The following MFGE8 variants were observed in gnomAD, a reference collection of about 807,000 sequenced individuals.
MFGE8 encodes the protein milk fat globule EGF and factor V/VIII domain containing, also known as lactadherin.
Under a neutral mutation model 42.6 loss-of-function variants are expected in MFGE8, and 34 were observed. That is an observed-to-expected ratio of 0.80 (90% confidence interval 0.61 to 1.06). The LOEUF (loss-of-function observed/expected upper bound fraction) is 1.06, where lower values mean the gene tolerates loss of function less well. MFGE8 is among the 50% of genes least tolerant of loss of function. The pLI is 0.00. For synonymous variants in MFGE8, 230 were observed against 214.8 expected, an observed-to-expected ratio of 1.07 and a Z score of -0.62; for missense variants, 510 against 516.9, an observed-to-expected ratio of 0.99 and a Z score of 0.13.
At chr15:88,912,511 C>G in intron 1 of MFGE8, 1 of 985,412 alleles carries the variant, frequency 1.0e-6, no homozygotes, top group Non-Finnish European at 1.2e-6. Context: ...TCCCAGCGCT[C>G]CACGGTGAAT....
Position 88,907,315 on chromosome 15 carries a change from C to A in MFGE8, c.267G>T (p.Ser89=). 6.2e-7 allele frequency: 1 copy of A among 1,613,948 alleles called. No individual in the cohort carries two copies. Among genetic ancestry groups the A allele is most frequent in the Non-Finnish European group, 8.5e-7 (1 of 1,179,952 alleles). The change falls in exon 3 of 8, where the codon TCG becomes TCT. Residue 89 remains serine, a synonymous_variant. Transcript: ENST00000268150. ...AACCCAAGAAGGTCACACGCACAGACGAGGCGGCGATCTGTGAGTTGGCAA... is the reference window on the plus strand; with the variant it reads ...AACCCAAGAAGGTCACACGCACAGAAGAGGCGGCGATCTGTGAGTTGGCAA... ...GNIANSQIAA[S]SVRVTFLGLQ...
rs55959974 is a variant in MFGE8 at position 88,907,351 on chromosome 15, C to T, written c.231G>A (p.Glu77=). The change falls in exon 3 of 8, where the codon GAG becomes GAA. Residue 77 remains glutamate (E), a synonymous_variant. Transcript: ENST00000268150. ...TCTGTGAGTTGGCAATGTTCCCATT[C>T]TCCAGGCCCAGTGGCTCGACACATT... ...ETKCVEPLGL[E]NGNIANSQIA... is the part of the protein sequence containing the mutation. The T allele has an allele frequency of 1.2e-6, 2 of 1,614,222 alleles. No individual in the cohort carries two copies. Among genetic ancestry groups the T allele is most frequent in the Non-Finnish European group, 1.7e-6 (2 of 1,180,036 alleles).
At chr15:88,909,302 G>A (rs530430788) in intron 2 of MFGE8, among the ~76,000 whole-genome samples, 9 of 152,320 alleles carry the variant, frequency 5.9e-5, no homozygotes, top group South Asian at 2.1e-4. Context: ...CCTTCTCCCC[G>A]AGCTCTGCGA....
intron 1 of MFGE8, among the ~76,000 whole-genome samples, chr15:88,911,972 GCGGGGGCGAGCA>G (rs1318890133): frequency 6.6e-6 from 1 of 152,132 alleles, no homozygotes; most frequent in Non-Finnish European, 1.5e-5. Context: ...GACCTGGCAG[GCGGGGGCGAGCA>G]TTGACACAGA....
rs1263288332 is a variant in MFGE8 at position 88,899,882 on chromosome 15, T to G, written c.871-71A>C. Reference sequence around the variant, plus strand: ...GTAAGGTGAAAAGAGGCAGACACACTGAGGCATGAATTCTAGTTTTGAAAA... The same window carrying G: ...GTAAGGTGAAAAGAGGCAGACACACGGAGGCATGAATTCTAGTTTTGAAAA... On this transcript the variant is annotated intron_variant, in intron 6 of 7. Transcript: ENST00000268150. The surrounding 1 kb of genome is among the most constrained non-coding windows in gnomAD (Gnocchi z 6.8). 11 of 1,578,020 alleles carry G rather than the reference T, an allele frequency of 7.0e-6. No homozygotes were observed. The highest frequency in any genetic ancestry group is 6.1e-6 in the Non-Finnish European group (7 of 1,150,470).
chr15:88,907,351 C>A lies in MFGE8; in HGVS notation c.231G>T (p.Glu77Asp), dbSNP rs55959974. The change falls in exon 3 of 8, where the codon GAG becomes GAT. Residue 77 changes from glutamate (E) to aspartate (D), a missense_variant. Physicochemically the swap from Glu to Asp is conservative, Grantham distance 45. Coordinates refer to ENST00000268150, the MANE Select transcript of MFGE8 (RefSeq NM_005928.4). ...ETKCVEPLGL[E>D]NGNIANSQIA... Reference sequence around the variant, plus strand: ...TCTGTGAGTTGGCAATGTTCCCATTCTCCAGGCCCAGTGGCTCGACACATT... The same window carrying A: ...TCTGTGAGTTGGCAATGTTCCCATTATCCAGGCCCAGTGGCTCGACACATT... 62 of 1,614,104 alleles carry A rather than the reference C, an allele frequency of 3.8e-5. No homozygotes were observed. The highest frequency in any genetic ancestry group is 2.8e-4 in the Admixed American group (17 of 60,008).
At chr15:88,900,879 G>A (rs960417539) in intron 6 of MFGE8, 12 of 358,986 alleles carry the variant, frequency 3.3e-5, no homozygotes, top group African/African-American at 2.1e-4. Context: ...TCCCTCTTCC[G>A]CCTCCGCCCT....
At chr15:88,910,006 C>A in intron 1 of MFGE8, 83 bp from the exon 2 acceptor site, 1 of 1,537,542 alleles carries the variant, frequency 6.5e-7, no homozygotes, top group South Asian at 1.1e-5. Context: ...GGGTCCAGCC[C>A]AAAAGGACCC....
At chr15:88,909,050 C>T (rs1898832361) in intron 2 of MFGE8, among the ~76,000 whole-genome samples, 1 of 152,216 alleles carries the variant, frequency 6.6e-6, no homozygotes, top group Non-Finnish European at 1.5e-5. Context: ...CATCCCTGGG[C>T]CCACATGTGG....
Position 88,906,721 on chromosome 15 carries a change from A to C in MFGE8, c.445T>G (p.Leu149Val), listed in dbSNP as rs749945746. 1.9e-6 allele frequency: 3 copies of C among 1,613,794 alleles called. No homozygotes were observed. The South Asian group carries it at 3.3e-5, about 18-fold the overall frequency. Residue 149 changes from leucine to valine, a missense_variant, in exon 4 of 8, where the codon TTG (leucine) becomes GTG (valine). Leu to Val is a conservative substitution (Grantham distance 32). Coordinates refer to ENST00000268150, the MANE Select transcript of MFGE8 (RefSeq NM_005928.4). This position sits in a 1 kb window ranked among gnomAD's most constrained non-coding sequence, Gnocchi z 4.2. ...GCCTTCAGGTACTCATGACTGGCCA[A>C]GCGGCTGGCACCCTGCGTCACCACA... ...TGVVTQGASR[L>V]ASHEYLKAFK...
intron 1 of MFGE8, 124 bp from the exon 2 acceptor site, chr15:88,910,047 C>T (rs985245856): frequency 2.2e-5 from 27 of 1,227,582 alleles, no homozygotes; most frequent in Middle Eastern, 2.0e-4. Context: ...ATCTCTTCCT[C>T]TCCCTCTTCC....
chr15:88,907,486 G>A (rs1325107458), intron 2 of MFGE8, 110 bp from the exon 3 acceptor site: 3 of 985,524 alleles, frequency 3.0e-6, no homozygotes, highest in Admixed American at 1.9e-5. Flanking sequence ...TAAGCCCCAG[G>A]GCCAGGGAGA....
intron 2 of MFGE8, among the ~76,000 whole-genome samples, chr15:88,908,551 AC>A (rs937830882): frequency 2.0e-5 from 3 of 152,054 alleles, no homozygotes; most frequent in Non-Finnish European, 2.9e-5. Flanking sequence ...CTGTGTGGTC[AC>A]CCCTGCCTTC....
At chr15:88,912,536 G>C (rs1596207012) in intron 1 of MFGE8, 1 of 985,360 alleles carries the variant, frequency 1.0e-6, no homozygotes, top group Non-Finnish European at 1.2e-6. Context: ...CGGGGCATCC[G>C]CAAGTCCAGC....
intron 6 of MFGE8, chr15:88,900,684 G>C: frequency 1.0e-6 from 1 of 985,056 alleles, no homozygotes; most frequent in Non-Finnish European, 1.2e-6. Flanking sequence ...GTACTAGGCA[G>C]ATCATCGTCC....
chr15:88,901,517 A>ACCCCCCC, intron 6 of MFGE8, 34 bp downstream of exon 6: 8 of 1,072,604 alleles, frequency 7.5e-6, no homozygotes, highest in Non-Finnish European at 9.9e-6. Flanking sequence ...ATCCCACCCA[A>ACCCCCCC]CCCCAGCCCC....
At position 88,913,065 on chromosome 15, in the gene MFGE8, A is replaced by C. The variant is rs531817112; in HGVS notation, c.73+182T>G. 1,352 of 985,334 alleles carry C rather than the reference A, an allele frequency of 1.4e-3. 37 individuals carry two copies. The South Asian group carries it at 0.051, about 37-fold the overall frequency. The allele number at this position is 985,334 out of a possible 1,614,324, so 61.0% of individuals were successfully genotyped here. A position where few individuals can be genotyped will look rare whatever the true frequency, so the allele number is the denominator to read the frequency against. The stretch of plus-strand genomic sequence containing the variant: ...AGCCCAAAAGCCCCAGCGCAGAGAC[A>C]GCAGGGCCGCATCCCCCTGTCCCGC... On this transcript the variant is annotated intron_variant, in intron 1 of 7. Coordinates refer to ENST00000268150, the MANE Select transcript of MFGE8 (RefSeq NM_005928.4).
At chr15:88,913,128 C>T (rs964780301) in intron 1 of MFGE8, 119 bp downstream of exon 1, 4 of 1,369,954 alleles carry the variant, frequency 2.9e-6, no homozygotes, top group Admixed American at 6.6e-5. Flanking sequence ...CTGCCCAGCC[C>T]GGTCCCCGGG....
In MFGE8 at chr15:88,913,271, C is replaced by T; in HGVS notation, c.49G>A (p.Ala17Thr). ...LAALCGALLC[A>T]PSLLVALDIC... is the part of the protein sequence containing the mutation. Reference sequence around the variant, plus strand: ...CCCAGGGCGACGAGGAGGCTGGGGGCGCAGAGCAGCGCGCCGCACAGCGCG... The same window carrying T: ...CCCAGGGCGACGAGGAGGCTGGGGGTGCAGAGCAGCGCGCCGCACAGCGCG... The change falls in exon 1 of 8, where the codon GCC becomes ACC. Residue 17 changes from alanine to threonine, a missense_variant. By Grantham distance (58) the Ala-to-Thr change is moderately conservative (BLOSUM62 0). Coordinates refer to ENST00000268150, the MANE Select transcript of MFGE8 (RefSeq NM_005928.4). 1 of 1,497,146 alleles carries T rather than the reference C, an allele frequency of 6.7e-7. No homozygotes were observed. The highest frequency in any genetic ancestry group is 8.8e-7 in the Non-Finnish European group (1 of 1,131,386). The allele number at this position is 1,497,146 out of a possible 1,614,324, so 92.7% of individuals were successfully genotyped here.
Sources: gnomAD v4.1 joint callset for allele counts (sites outside exome capture counted in the v4.1 genomes callset) on GRCh38, gnomAD v4.1.1 for gene constraint, Gnocchi (gnomAD v3.1) non-coding constraint, MANE v1.5 for transcripts, NCBI Gene and HGNC (gene_info 2026-07-23, HGNC 2026-07-21) for gene names.